The following CCDC30 variants were observed in gnomAD, a reference collection of about 807,000 sequenced individuals.
The protein encoded by CCDC30 is coiled-coil domain-containing protein 30.
CCDC30 carries 70 observed loss-of-function variants against 100.2 expected under a neutral mutation model. The ratio of observed to expected loss-of-function variants is 0.70; its 90% CI spans 0.58 to 0.85. The LOEUF (loss-of-function observed/expected upper bound fraction) is 0.85. Among genes scored for constraint, CCDC30 ranks in the 40% least tolerant of loss-of-function variants. The pLI is 0.00. For synonymous variants in CCDC30, 233 were observed against 269.5 expected, an observed-to-expected ratio of 0.86 and a Z score of 1.33; for missense variants, 652 against 771.2, an observed-to-expected ratio of 0.85 and a Z score of 1.83.
At chr1:42,649,088 G>A (rs1648124633) in intron 15 of CCDC30, among the ~76,000 whole-genome samples, 1 of 152,054 alleles carries the variant, frequency 6.6e-6, no homozygotes. Context: ...ATCAGAACCT[G>A]CTGGATTCAC....
chr1:42,458,885 T>TA (rs1435626823), upstream of CCDC30, among the ~76,000 whole-genome samples: 1 of 152,256 alleles, frequency 6.6e-6, no homozygotes, highest in African/African-American at 2.4e-5. Context: ...TGGAATCTAA[T>TA]AGCCATTCTA....
intron 11 of CCDC30, among the ~76,000 whole-genome samples, chr1:42,614,537 A>AG (rs202063858): frequency 0.011 from 1,699 of 151,950 alleles, 27 homozygotes; most frequent in African/African-American, 0.039. Context: ...CTGTAATCCC[A>AG]GCACTTTGGG....
rs114883915 is a variant in CCDC30 at position 42,649,730 on chromosome 1, A to G, written c.1854+3413A>G. 8.2e-3 allele frequency among the ~76,000 whole-genome samples: 1,243 copies of G among 152,302 alleles called. 21 individuals carry two copies. Among genetic ancestry groups the G allele is most frequent in the African/African-American group, 0.028 (1,154 of 41,546 alleles). On this transcript the variant is annotated intron_variant, in intron 15 of 16. Coordinates refer to ENST00000668663, the Ensembl canonical transcript of CCDC30. Reference sequence around the variant, plus strand: ...GTTAGAACTAAGAAGCAAATATAGTAAAGTTGAAGGATACAAAATCAACAC... The same window carrying G: ...GTTAGAACTAAGAAGCAAATATAGTGAAGTTGAAGGATACAAAATCAACAC...
chr1:42,478,156 T>G, intron 1 of CCDC30, among the ~76,000 whole-genome samples: 1 of 152,306 alleles, frequency 6.6e-6, no homozygotes, highest in South Asian at 2.1e-4. Flanking sequence ...CTAAATAATT[T>G]TAAGAGGGCA....
At chr1:42,639,929 G>C (rs1206620163) in intron 12 of CCDC30, among the ~76,000 whole-genome samples, 2 of 147,508 alleles carry the variant, frequency 1.4e-5, no homozygotes, top group African/African-American at 5.0e-5. Flanking sequence ...TTGCACCATT[G>C]CACTCCAGCT....
intron 6 of CCDC30, among the ~76,000 whole-genome samples, chr1:42,510,838 T>A (rs1644466698): frequency 6.6e-6 from 1 of 151,788 alleles, no homozygotes; most frequent in Non-Finnish European, 1.5e-5. Flanking sequence ...GGGGAATCAT[T>A]CTCTGTAGGT....
chr1:42,476,097 T>A (rs1643878389), intron 1 of CCDC30, among the ~76,000 whole-genome samples: 1 of 152,166 alleles, frequency 6.6e-6, no homozygotes, highest in South Asian at 2.1e-4. Context: ...AGATAAGAGT[T>A]ACTTTAACAA....
intron 11 of CCDC30, among the ~76,000 whole-genome samples, chr1:42,635,071 T>A (rs1300272843): frequency 6.6e-6 from 1 of 152,182 alleles, no homozygotes; most frequent in African/African-American, 2.4e-5. Context: ...TTGTTTGTTT[T>A]TTGAGATGAA....
At chr1:42,540,313 A>T (rs907887706) in intron 6 of CCDC30, among the ~76,000 whole-genome samples, 10 of 152,154 alleles carry the variant, frequency 6.6e-5, no homozygotes, top group African/African-American at 2.4e-4. Context: ...GAGAGTAGCT[A>T]TGTAGAGCAT....
chr1:42,551,240 T>C (rs1258882731), intron 6 of CCDC30, among the ~76,000 whole-genome samples: 1 of 149,026 alleles, frequency 6.7e-6, no homozygotes, highest in Non-Finnish European at 1.5e-5. Context: ...TGGTTTCTAC[T>C]GTACTGTGCT....
chr1:42,548,001 C>T (rs960488072), intron 6 of CCDC30, among the ~76,000 whole-genome samples: 4 of 152,036 alleles, frequency 2.6e-5, no homozygotes, highest in Non-Finnish European at 5.9e-5. Flanking sequence ...TAATCAGGGG[C>T]CAAGCAAAAA....
At chr1:42,556,371 G>A (rs769890900) in intron 6 of CCDC30, 5 of 1,613,928 alleles carry the variant, frequency 3.1e-6, no homozygotes, top group East Asian at 2.2e-5. Flanking sequence ...CAGTCTCAGA[G>A]CTCTGGGGAT....
At chr1:42,602,401 CAA>C (rs992474977) in intron 10 of CCDC30, among the ~76,000 whole-genome samples, 2 of 147,326 alleles carry the variant, frequency 1.4e-5, no homozygotes, top group East Asian at 3.9e-4. Context: ...GCCAGGCTAA[CAA>C]AAAAAAAGAG....
chr1:42,459,627 C>T (rs1643350328), upstream of CCDC30: 1 of 1,613,736 alleles, frequency 6.2e-7, no homozygotes, highest in Non-Finnish European at 8.5e-7. Context: ...GGTGCCAAAA[C>T]TGCTTTCTCC....
intron 4 of CCDC30, chr1:42,492,018 A>T: frequency 1.7e-6 from 1 of 602,804 alleles, no homozygotes; most frequent in East Asian, 3.0e-5. Flanking sequence ...TGTTCAGGAA[A>T]AAAACTAACT....
intron 13 of CCDC30, 99 bp from the exon 18 acceptor site, chr1:42,644,594 G>A: frequency 1.4e-6 from 1 of 698,796 alleles, no homozygotes. Flanking sequence ...CTGGACAGTA[G>A]TCTAAGATCC....
rs558355391 is a variant in CCDC30, at chr1:42,634,630, A to G, written c.1278-2607A>G. 1.2e-4 allele frequency among the ~76,000 whole-genome samples: 19 copies of G among 152,294 alleles called. No homozygotes were observed. In the South Asian group the frequency reaches 3.9e-3, roughly 32 times the overall value. On this transcript the variant is annotated intron_variant, in intron 11 of 16. Coordinates refer to ENST00000668663, the Ensembl canonical transcript of CCDC30. ...TTAATCTATTTTCTTGTTTACTCTGATTAGATATTATAGTAGCTTGAAATG... is the reference window on the plus strand; with the variant it reads ...TTAATCTATTTTCTTGTTTACTCTGGTTAGATATTATAGTAGCTTGAAATG...
chr1:42,614,419 G>C (rs993471039), intron 11 of CCDC30, among the ~76,000 whole-genome samples: 44 of 151,650 alleles, frequency 2.9e-4, no homozygotes, highest in Admixed American at 2.2e-3. Flanking sequence ...TATAATAAAT[G>C]CAAAGATTTT....
chr1:42,630,182 C>T (rs2148668158), intron 11 of CCDC30, among the ~76,000 whole-genome samples: 1 of 151,828 alleles, frequency 6.6e-6, no homozygotes, highest in East Asian at 2.0e-4. Context: ...ACCATGTTGG[C>T]CAGGCTGGTT....
Sources: gnomAD v4.1 joint callset for allele counts (sites outside exome capture counted in the v4.1 genomes callset) on GRCh38, gnomAD v4.1.1 for gene constraint, MANE v1.5 for transcripts, NCBI Gene and HGNC (gene_info 2026-07-23, HGNC 2026-07-21) for gene names.